Variants in RANBP2 observed in about 807,000 individuals in gnomAD.
The protein encoded by RANBP2 is RAN binding protein 2.
A neutral mutation model predicts 303.6 loss-of-function variants in RANBP2; 57 were observed. The ratio of observed to expected loss-of-function variants is 0.19; its 90% CI spans 0.15 to 0.23. The LOEUF (loss-of-function observed/expected upper bound fraction) is 0.23. Ranked by LOEUF, RANBP2 falls within the 10% of genes least tolerant of loss-of-function variation. RANBP2 has a pLI of 1.00. For missense variants in RANBP2, 3,138 were observed against 3,780.8 expected (o/e 0.83, Z 4.46); for synonymous variants, 1,167 against 1,301.5 (o/e 0.90, Z 2.23).
the RANBP2 span, among the ~76,000 whole-genome samples, chr2:109,266,358 T>G: frequency 2.0e-5 from 3 of 151,910 alleles, no homozygotes; most frequent in African/African-American, 7.3e-5. Flanking sequence ...ATACACAGGA[T>G]CCACTCTGCA....
intron 17 of RANBP2, among the ~76,000 whole-genome samples, chr2:108,755,864 C>T (rs549583965): frequency 6.6e-6 from 1 of 152,120 alleles, no homozygotes; most frequent in Admixed American, 6.5e-5. Flanking sequence ...GCTGGGATTA[C>T]AGGCACCCGC....
the RANBP2 span, among the ~76,000 whole-genome samples, chr2:109,312,966 G>A: frequency 2.6e-5 from 4 of 152,124 alleles, no homozygotes; most frequent in African/African-American, 9.7e-5. Flanking sequence ...AGCAGCCCTT[G>A]GATTTCACTT....
At chr2:108,857,204 G>A in the RANBP2 span, among the ~76,000 whole-genome samples, 13 of 148,050 alleles carry the variant, frequency 8.8e-5, no homozygotes, top group East Asian at 2.6e-3. Context: ...TCAGCCTCCC[G>A]AGTAGCTGGG....
chr2:108,928,636 G>C, the RANBP2 span, among the ~76,000 whole-genome samples: 1 of 152,198 alleles, frequency 6.6e-6, no homozygotes, highest in African/African-American at 2.4e-5. Context: ...TCTGGGGATT[G>C]AGAGTCTGTA....
the RANBP2 span, among the ~76,000 whole-genome samples, chr2:108,808,098 A>G: frequency 2.6e-5 from 4 of 152,198 alleles, no homozygotes; most frequent in East Asian, 1.9e-4. Context: ...TTCACTTAAC[A>G]TAAGTGTGTG....
chr2:109,615,946 C>T, the RANBP2 span: 22 of 1,596,242 alleles, frequency 1.4e-5, no homozygotes, highest in Non-Finnish European at 1.8e-5. Flanking sequence ...CACACCACAC[C>T]CTCTTTCAGG....
the RANBP2 span, among the ~76,000 whole-genome samples, chr2:109,039,584 C>T: frequency 2.6e-5 from 4 of 152,058 alleles, no homozygotes; most frequent in East Asian, 1.9e-4. Flanking sequence ...CTCTTGACCT[C>T]GTGATCTGCC....
At chr2:109,496,577 C>A in the RANBP2 span, among the ~76,000 whole-genome samples, 1 of 152,204 alleles carries the variant, frequency 6.6e-6, no homozygotes. Flanking sequence ...CGACTCCTGC[C>A]CCTTTGACCT....
chr2:109,616,276 C>G, the RANBP2 span: 1 of 613,594 alleles, frequency 1.6e-6, no homozygotes, highest in African/African-American at 1.9e-5. Context: ...ACCTGTACCT[C>G]TTCTCTGCCC....
the RANBP2 span, among the ~76,000 whole-genome samples, chr2:109,540,221 C>T: frequency 2.0e-5 from 3 of 152,296 alleles, no homozygotes; most frequent in Admixed American, 1.3e-4. Flanking sequence ...CTATGCTCCA[C>T]ATGTGCTCGA....
the RANBP2 span, among the ~76,000 whole-genome samples, chr2:108,867,345 A>C: frequency 6.6e-6 from 1 of 152,224 alleles, no homozygotes; most frequent in Non-Finnish European, 1.5e-5. Flanking sequence ...GTCTTTAGGA[A>C]TTGAAAAAGC....
At chr2:109,585,642 T>C in the RANBP2 span, 3 of 952,472 alleles carry the variant, frequency 3.1e-6, no homozygotes, top group East Asian at 4.8e-5. Flanking sequence ...AACATGAGCA[T>C]TGTTCTGCCC....
chr2:109,589,569 T>C, the RANBP2 span, among the ~76,000 whole-genome samples: 17 of 152,072 alleles, frequency 1.1e-4, 1 homozygote, highest in Middle Eastern at 3.4e-3. Context: ...AAAAGTAACA[T>C]TGAATATCCA....
chr2:109,758,741 T>G, the RANBP2 span: 2 of 149,350 alleles, frequency 1.3e-5, no homozygotes, highest in East Asian at 2.0e-4. Context: ...CAGGTTCTAC[T>G]CTATGCTCCC....
At chr2:108,751,014 G>A (rs1247580670) in intron 9 of RANBP2, among the ~76,000 whole-genome samples, 1 of 152,094 alleles carries the variant, frequency 6.6e-6, no homozygotes, top group Non-Finnish European at 1.5e-5. Flanking sequence ...TCTAGTCAGT[G>A]TCATTTTTTA....
At position 108,754,095 on chromosome 2, in the gene RANBP2, G is replaced by A. The variant is rs189837069; in HGVS notation, c.2202+124G>A. 3,307 of 1,600,452 alleles carry A rather than the reference G, an allele frequency of 2.1e-3. 7 individuals are homozygous for A. The highest frequency in any genetic ancestry group is 2.9e-3 in the Admixed American group (175 of 59,478). On this transcript the variant is annotated intron_variant, in intron 15 of 28. Coordinates refer to ENST00000283195, the MANE Select transcript of RANBP2 (RefSeq NM_006267.5). ...AATATGTTGTTATTAATGCACAGAAGGGATATGTGTGTCTAAATGCTTATA... is the reference window on the plus strand; with the variant it reads ...AATATGTTGTTATTAATGCACAGAAAGGATATGTGTGTCTAAATGCTTATA...
the RANBP2 span, chr2:109,613,210 G>A: frequency 1.3e-5 from 17 of 1,282,860 alleles, no homozygotes; most frequent in Non-Finnish European, 4.1e-6. Flanking sequence ...TAACAAGCGA[G>A]ATAAATCTAC....
the RANBP2 span, among the ~76,000 whole-genome samples, chr2:109,680,221 C>T: frequency 4.0e-5 from 6 of 149,334 alleles, no homozygotes; most frequent in East Asian, 7.9e-4. Flanking sequence ...GGCATGGTGG[C>T]GGGCACCTGT....
chr2:109,347,945 C>T, the RANBP2 span: 69 of 1,600,466 alleles, frequency 4.3e-5, no homozygotes, highest in Admixed American at 9.3e-4. Context: ...CTGACCTTCA[C>T]CAAGGTAAGG....
Sources: allele counts gnomAD v4.1 joint callset (sites outside exome capture counted in the v4.1 genomes callset), GRCh38; gene constraint gnomAD v4.1.1; transcripts MANE v1.5; gene names NCBI Gene and HGNC (gene_info 2026-07-23, HGNC 2026-07-21).